RTTN: variants seen among roughly 807,000 people sequenced by gnomAD.
The protein encoded by RTTN is rotatin.
In RTTN, 182 loss-of-function variants were observed where a neutral mutation model predicts 269.2. That is an observed-to-expected ratio of 0.68 (90% CI 0.60 to 0.76). RTTN has a LOEUF of 0.76. Ranked by LOEUF, RTTN falls within the 30% of genes least tolerant of loss-of-function variation. The pLI is 0.00. For missense variants in RTTN, 2,545 were observed against 2,608.6 expected (o/e 0.98, Z 0.53); for synonymous variants, 1,006 against 963.5 (o/e 1.04, Z -0.82).
intron 37 of RTTN, among the ~76,000 whole-genome samples, chr18:70,055,167 A>C (rs2057781531): frequency 6.6e-6 from 1 of 152,210 alleles, no homozygotes; most frequent in South Asian, 2.1e-4. Context: ...ACTTTTCAGA[A>C]AAATAATCCT....
chr18:70,157,076 A>T (rs1182116861), intron 14 of RTTN, among the ~76,000 whole-genome samples: 1 of 152,136 alleles, frequency 6.6e-6, no homozygotes, highest in African/African-American at 2.4e-5. Context: ...ACCCACCCAC[A>T]GCCAATACCT....
intron 31 of RTTN, among the ~76,000 whole-genome samples, chr18:70,087,439 C>T (rs762554399): frequency 2.6e-5 from 4 of 152,024 alleles, no homozygotes; most frequent in African/African-American, 7.2e-5. Flanking sequence ...TTGGAACTGG[C>T]GACTGCTAAT....
intron 7 of RTTN, among the ~76,000 whole-genome samples, chr18:70,195,445 A>G (rs1425382998): frequency 1.3e-5 from 2 of 151,550 alleles, no homozygotes; most frequent in Non-Finnish European, 2.9e-5. Context: ...CTTTTAAAAT[A>G]GAAGCTTTCT....
intron 14 of RTTN, among the ~76,000 whole-genome samples, chr18:70,158,111 T>A (rs1351537846): frequency 1.3e-5 from 2 of 151,976 alleles, no homozygotes; most frequent in Non-Finnish European, 2.9e-5. Context: ...CCCAGTGAGA[T>A]ACTATTCAAG....
intron 14 of RTTN, among the ~76,000 whole-genome samples, chr18:70,164,564 T>G (rs1465224331): frequency 6.6e-6 from 1 of 151,972 alleles, no homozygotes; most frequent in Non-Finnish European, 1.5e-5. Context: ...AAAAGTAAAT[T>G]AGACAAAGCT....
intron 44 of RTTN, among the ~76,000 whole-genome samples, chr18:70,023,542 A>G (rs1299687629): frequency 6.6e-6 from 1 of 152,048 alleles, no homozygotes; most frequent in Non-Finnish European, 1.5e-5. Flanking sequence ...AAATGGCACT[A>G]CTGTGCACTC....
rs759576579 is a variant in RTTN at position 70,030,952 on chromosome 18, G to C, written c.5571C>G (p.Ile1857Met). Residue 1857 changes from isoleucine (I) to methionine (M), a missense_variant, in exon 41 of 49, where the codon ATC (isoleucine) becomes ATG (methionine). Physicochemically the swap from Ile to Met is conservative, Grantham distance 10. Transcript: ENST00000640769. The part of the protein sequence containing the change: ...QCYEGKSSKD[I>M]LKRVAANALM... ...ATGCATTTGCAGCTACTCTTTTCAG[G>C]ATATCTTTGGAGGATTTCCCTTCAT... The C allele has an allele frequency of 6.2e-7, 1 of 1,613,352 alleles. No individual in the cohort carries two copies. The highest frequency in any genetic ancestry group is 1.1e-5 in the South Asian group (1 of 91,002).
intron 25 of RTTN, 22 bp from the exon 26 acceptor site, chr18:70,121,722 C>G: frequency 6.6e-7 from 1 of 1,520,372 alleles, no homozygotes; most frequent in Non-Finnish European, 8.8e-7. Context: ...AGACAATAAT[C>G]ATGGTTTCTG....
chr18:70,197,759 C>A, intron 5 of RTTN, 21 bp from the exon 6 acceptor site: 1 of 1,433,744 alleles, frequency 7.0e-7, no homozygotes, highest in South Asian at 1.1e-5. Flanking sequence ...TAGCGTTAAT[C>A]ATTTTTAAGA....
chr18:70,013,887 A>G (rs2056466591), intron 46 of RTTN, among the ~76,000 whole-genome samples: 1 of 152,292 alleles, frequency 6.6e-6, no homozygotes, highest in African/African-American at 2.4e-5. Context: ...CTGTCTTGAT[A>G]TATCTGCTGT....
Position 70,024,725 on chromosome 18 carries a change from T to G in RTTN, c.5947A>C (p.Asn1983His), listed in dbSNP as rs781526181. Residue 1983 changes from asparagine to histidine, a missense_variant, in exon 44 of 49, where the codon AAT (asparagine) becomes CAT (histidine). Physicochemically the swap from Asn to His is moderately conservative, Grantham distance 68. Transcript: ENST00000640769. ...LLCVYTANFP[N>H]GCSSLCWSSC... Reference sequence around the variant, plus strand: ...AGGCAGTATTGGATCCTATTACCATTTGGAAAATTTGCAGTATAGACACAA... The same window carrying G: ...AGGCAGTATTGGATCCTATTACCATGTGGAAAATTTGCAGTATAGACACAA... 2 of 1,612,982 alleles carry G rather than the reference T, an allele frequency of 1.2e-6. No homozygotes were observed. Among genetic ancestry groups the G allele is most frequent in the Admixed American group, 1.7e-5 (1 of 59,944 alleles).
At chr18:70,094,440 G>T (rs1182338008) in intron 28 of RTTN, among the ~76,000 whole-genome samples, 1 of 150,776 alleles carries the variant, frequency 6.6e-6, no homozygotes, top group East Asian at 1.9e-4. Flanking sequence ...GGCATTTGGT[G>T]AAACACTGCT....
At chr18:70,128,285 A>T in intron 24 of RTTN, 73 bp downstream of exon 24, 2 of 1,324,010 alleles carry the variant, frequency 1.5e-6, no homozygotes, top group Non-Finnish European at 2.1e-6. Flanking sequence ...GGACCTAAGG[A>T]AAAAGTAAAA....
At chr18:70,018,768 G>A (rs1160188417) in intron 45 of RTTN, among the ~76,000 whole-genome samples, 1 of 149,104 alleles carries the variant, frequency 6.7e-6, no homozygotes, top group African/African-American at 2.5e-5. Context: ...ATTTGGGACT[G>A]ACAAGGGTGA....
intron 14 of RTTN, among the ~76,000 whole-genome samples, chr18:70,165,085 C>T (rs750332584): frequency 5.3e-5 from 8 of 152,072 alleles, no homozygotes; most frequent in Non-Finnish European, 1.0e-4. Context: ...GAAATCATGA[C>T]ATTTTCAAAC....
Position 70,205,226 on chromosome 18 carries a change from G to A in RTTN, c.121C>T (p.Gln41Ter). 3 of 1,614,200 alleles carry A rather than the reference G, an allele frequency of 1.9e-6. No individual in the cohort carries two copies. The highest frequency in any genetic ancestry group is 2.5e-6 in the Non-Finnish European group (3 of 1,180,020). Residue 41 changes from glutamine (Q) to a stop codon, truncating the protein, a stop_gained, in exon 2 of 49, where the codon CAG becomes TAG. Coordinates refer to ENST00000640769, the MANE Select transcript of RTTN (RefSeq NM_173630.4). LOFTEE classifies it high-confidence loss of function. Reference protein sequence around the residue: ...HNLICYADLIQERQLFLHLLE... With the variant: ...HNLICYADLI ...AAATGAAGAAAAAGTTGCCTCTCCT[G>A]AATGAGATCAGCGTAGCAGATTAAG... is the stretch of plus-strand genomic sequence containing the variant.
chr18:70,176,186 T>A (rs777452200), intron 11 of RTTN, among the ~76,000 whole-genome samples: 1 of 135,746 alleles, frequency 7.4e-6, no homozygotes, highest in Non-Finnish European at 1.6e-5. Context: ...TATGTATACG[T>A]AGATGTAGAT....
chr18:70,101,377 G>C (rs1245418007), intron 28 of RTTN, among the ~76,000 whole-genome samples: 1 of 152,160 alleles, frequency 6.6e-6, no homozygotes, highest in Non-Finnish European at 1.5e-5. Context: ...GGAGTTTATA[G>C]TATTGTCTGA....
intron 23 of RTTN, 35 bp downstream of exon 23, chr18:70,134,438 G>C: frequency 1.4e-6 from 2 of 1,424,388 alleles, no homozygotes; most frequent in Non-Finnish European, 2.0e-6. Flanking sequence ...ACAACATTTC[G>C]TCCTTCAAGA....
Sources: gnomAD v4.1 joint callset for allele counts (sites outside exome capture counted in the v4.1 genomes callset) on GRCh38, gnomAD v4.1.1 for gene constraint, MANE v1.5 for transcripts, NCBI Gene and HGNC (gene_info 2026-07-23, HGNC 2026-07-21) for gene names.